The following TACR1 variants were observed in gnomAD, a reference collection of about 807,000 sequenced individuals.
TACR1 encodes the protein tachykinin receptor 1, also known as substance-P receptor.
TACR1 carries 25 observed loss-of-function variants against 35.8 expected under a neutral mutation model. That is an observed-to-expected ratio of 0.70 (90% CI 0.51 to 0.98). The LOEUF is 0.98. TACR1 is among the 50% of genes least tolerant of loss of function. TACR1 has a pLI of 0.00. For synonymous variants in TACR1, 195 were observed against 206.7 expected, an observed-to-expected ratio of 0.94 and a Z score of 0.48; for missense variants, 478 against 522.9, an observed-to-expected ratio of 0.91 and a Z score of 0.84.
At chr2:75,183,052 G>A (rs1442199723) in intron 1 of TACR1, among the ~76,000 whole-genome samples, 2 of 152,168 alleles carry the variant, frequency 1.3e-5, no homozygotes, top group Admixed American at 1.3e-4. Flanking sequence ...TGAATCTCAG[G>A]TATATATGAT....
intron 1 of TACR1, among the ~76,000 whole-genome samples, chr2:75,194,747 A>C (rs889810960): frequency 4.6e-5 from 7 of 152,124 alleles, no homozygotes; most frequent in Non-Finnish European, 8.8e-5. Context: ...AGACCATTTT[A>C]TTTGGAGTCT....
intron 1 of TACR1, among the ~76,000 whole-genome samples, chr2:75,155,494 C>T (rs2103977827): frequency 6.6e-6 from 1 of 152,216 alleles, no homozygotes; most frequent in East Asian, 1.9e-4. Flanking sequence ...CCATTCAACC[C>T]CCACCTGAGT....
chr2:75,149,225 C>A (rs1290111806), intron 1 of TACR1, among the ~76,000 whole-genome samples: 1 of 152,046 alleles, frequency 6.6e-6, no homozygotes, highest in African/African-American at 2.4e-5. Context: ...GCTATACGGG[C>A]TCTTTTTTGG....
intron 1 of TACR1, among the ~76,000 whole-genome samples, chr2:75,146,347 T>C (rs1674512269): frequency 6.6e-6 from 1 of 152,132 alleles, no homozygotes; most frequent in African/African-American, 2.4e-5. Flanking sequence ...GGTCTCGAAC[T>C]CCTGACCTCA....
Position 75,049,668 on chromosome 2 carries a change from C to T in TACR1, c.988G>A (p.Asp330Asn), listed in dbSNP as rs200032946. 1.9e-5 allele frequency: 30 copies of T among 1,614,120 alleles called. No individual in the cohort carries two copies. Among genetic ancestry groups the T allele is most frequent in the African/African-American group, 1.3e-4 (10 of 75,038 alleles). Reference protein sequence around the residue: ...FRCCPFISAGDYEGLEMKSTR... With the variant: ...FRCCPFISAGNYEGLEMKSTR... ...GATTTCATTTCCAGCCCCTCATAGT[C>T]GCCGGCGCTGATGAAGGGGCAGCAC... Residue 330 changes from aspartate to asparagine, a missense_variant, in exon 5 of 5, where the codon GAC becomes AAC. By Grantham distance (23) the Asp-to-Asn change is conservative. Transcript: ENST00000305249.
At chr2:75,103,382 C>T (rs988743028) in intron 2 of TACR1, among the ~76,000 whole-genome samples, 10 of 151,990 alleles carry the variant, frequency 6.6e-5, no homozygotes, top group Admixed American at 1.3e-4. Flanking sequence ...CCCTCGAATC[C>T]CTGTAAGTAT....
intron 2 of TACR1, among the ~76,000 whole-genome samples, chr2:75,074,648 C>A (rs1312848061): frequency 6.6e-6 from 1 of 152,140 alleles, no homozygotes; most frequent in Non-Finnish European, 1.5e-5. Context: ...CTTTCACTCA[C>A]CTTAGCCATT....
At position 75,048,231 on chromosome 2, in the gene TACR1, A is replaced by G. The variant is rs1489374948; in HGVS notation, c.*1201T>C. 1.3e-5 allele frequency: 2 copies of G among 152,252 alleles called. No individual in the cohort carries two copies. Among genetic ancestry groups the G allele is most frequent in the Non-Finnish European group, 2.9e-5 (2 of 68,050 alleles). The allele number at this position is 152,252 out of a possible 1,614,324, so 9.4% of individuals were successfully genotyped here. On this transcript the variant is annotated 3_prime_UTR_variant, in exon 5 of 5. Coordinates refer to ENST00000305249, the MANE Select transcript of TACR1 (RefSeq NM_001058.4). ...TGCAGCCTTCTTGCTTGTCGCACAT[A>G]TGAGCACGATGCTAGTGTAAAACTA...
intron 1 of TACR1, among the ~76,000 whole-genome samples, chr2:75,165,281 G>C (rs774367937): frequency 1.3e-4 from 20 of 152,076 alleles, no homozygotes; most frequent in Non-Finnish European, 2.5e-4. Flanking sequence ...CTTGGGGCTG[G>C]TGTCCCATCT....
At chr2:75,068,211 G>A (rs1672805306) in intron 2 of TACR1, among the ~76,000 whole-genome samples, 1 of 139,086 alleles carries the variant, frequency 7.2e-6, no homozygotes, top group Non-Finnish European at 1.5e-5. Flanking sequence ...GGTAGGCTGG[G>A]AACTCAGGTA....
In TACR1 at chr2:75,150,907, A is replaced by G. The variant is rs375916108; in HGVS notation, c.390-30139T>C. On this transcript the variant is annotated intron_variant, in intron 1 of 4. Transcript: ENST00000305249. ...AAGGTGGTCTCAGATGGAGATGAGGAACTTGTTGGGAACTGGAGCAAAGGT... is the reference window on the plus strand; with the variant it reads ...AAGGTGGTCTCAGATGGAGATGAGGGACTTGTTGGGAACTGGAGCAAAGGT... Among the ~76,000 whole-genome samples, 289 of 152,302 alleles carry G rather than the reference A, an allele frequency of 1.9e-3. 2 individuals carry two copies. The highest frequency in any genetic ancestry group is 0.016 in the South Asian group (78 of 4,822).
At chr2:75,149,604 T>C (rs1239633029) in intron 1 of TACR1, among the ~76,000 whole-genome samples, 3 of 152,238 alleles carry the variant, frequency 2.0e-5, no homozygotes, top group Admixed American at 6.5e-5. Context: ...CCTGGGACTT[T>C]GCTGAAGTTG....
intron 2 of TACR1, among the ~76,000 whole-genome samples, chr2:75,054,115 C>T (rs563607120): frequency 1.4e-4 from 21 of 152,266 alleles, no homozygotes; most frequent in African/African-American, 5.1e-4. Flanking sequence ...CACACCACCC[C>T]CCAAAACAAG....
At chr2:75,051,151 G>T in intron 4 of TACR1, 100 bp downstream of exon 4, 1 of 1,482,394 alleles carries the variant, frequency 6.7e-7, no homozygotes, top group Non-Finnish European at 9.4e-7. Flanking sequence ...TGTCCCTCTT[G>T]TCTCACAGCT....
chr2:75,065,427 A>G (rs1672743577), intron 2 of TACR1, among the ~76,000 whole-genome samples: 1 of 152,206 alleles, frequency 6.6e-6, no homozygotes, highest in African/African-American at 2.4e-5. Flanking sequence ...GTACTGATAC[A>G]TGTTTTGCTG....
chr2:75,152,677 T>G (rs1674700164), intron 1 of TACR1, among the ~76,000 whole-genome samples: 1 of 152,192 alleles, frequency 6.6e-6, no homozygotes, highest in African/African-American at 2.4e-5. Flanking sequence ...AGTTGGTACA[T>G]AGTAGATGCT....
rs773049051 is a variant in TACR1, at chr2:75,053,755, C to T, written c.585G>A (p.Val195=). Residue 195 remains valine (V), a splice_region_variant and synonymous_variant, in exon 3 of 5, where the codon GTG becomes GTA. Transcript: ENST00000305249. ...TCAGCACAGTCACACAGATGTGGTA[C>T]CTACAGCAAGGTAAACAGGAAAGGT... The part of the protein sequence containing the change: ...PEHPNKIYEK[V]YHICVTVLIY... The T allele has an allele frequency of 4.3e-6, 7 of 1,614,106 alleles. No individual in the cohort carries two copies. The highest frequency in any genetic ancestry group is 5.9e-6 in the Non-Finnish European group (7 of 1,180,000).
At chr2:75,136,786 A>AAACAGACAT (rs1444921407) in intron 1 of TACR1, among the ~76,000 whole-genome samples, 1 of 152,232 alleles carries the variant, frequency 6.6e-6, no homozygotes, top group Non-Finnish European at 1.5e-5. Flanking sequence ...GAGTCTCACC[A>AAACAGACAT]AACAGACATT....
Position 75,143,905 on chromosome 2 carries a change from G to A in TACR1, c.390-23137C>T, listed in dbSNP as rs548593747. ...TATGAAGGAAAAGTTGATTCAGGCA[G>A]TGGGTGAACGGGGTACATAGTGTAA... is the stretch of plus-strand genomic sequence containing the variant. On this transcript the variant is annotated intron_variant, in intron 1 of 4. Coordinates refer to ENST00000305249, the MANE Select transcript of TACR1 (RefSeq NM_001058.4). Among the ~76,000 whole-genome samples the A allele has an allele frequency of 1.8e-3, 268 of 152,316 alleles. 1 individual carries two copies. Among genetic ancestry groups the A allele is most frequent in the African/African-American group, 6.1e-3 (254 of 41,568 alleles).
Sources: gnomAD v4.1 joint callset for allele counts (sites outside exome capture counted in the v4.1 genomes callset) on GRCh38, gnomAD v4.1.1 for gene constraint, MANE v1.5 for transcripts, NCBI Gene and HGNC (gene_info 2026-07-23, HGNC 2026-07-21) for gene names.